NCAM2: variants seen among roughly 807,000 people sequenced by gnomAD.
The protein encoded by NCAM2 is N-CAM-2.
NCAM2 carries 30 observed loss-of-function variants against 98.1 expected under a neutral mutation model. That is an observed-to-expected ratio of 0.31 (90% CI 0.23 to 0.41). The LOEUF is 0.41. Ranked by LOEUF, NCAM2 falls within the 10% of genes least tolerant of loss-of-function variation. The pLI, the probability that NCAM2 is intolerant of heterozygous loss-of-function variation, is 1.00. For synonymous variants in NCAM2, 368 were observed against 342.4 expected, an observed-to-expected ratio of 1.07 and a Z score of -0.83; for missense variants, 867 against 1,005.8, an observed-to-expected ratio of 0.86 and a Z score of 1.87.
intron 1 of NCAM2, among the ~76,000 whole-genome samples, chr21:21,139,979 A>G (rs558304607): frequency 2.0e-5 from 3 of 152,314 alleles, no homozygotes; most frequent in Admixed American, 1.3e-4. Context: ...ACAATTGTAT[A>G]ATTTGCTCAC....
chr21:21,530,295 T>A (rs1035410303), intron 16 of NCAM2, among the ~76,000 whole-genome samples: 1 of 98,028 alleles, frequency 1.0e-5, no homozygotes, highest in South Asian at 3.3e-4. Context: ...TAATTATATA[T>A]AATTAAATTA....
At chr21:21,271,871 A>G (rs2072513075) in intron 1 of NCAM2, among the ~76,000 whole-genome samples, 1 of 152,130 alleles carries the variant, frequency 6.6e-6, no homozygotes, top group African/African-American at 2.4e-5. Flanking sequence ...AGGAAGGGGA[A>G]CATCACACAC....
chr21:21,079,299 C>A (rs375828005), intron 1 of NCAM2, among the ~76,000 whole-genome samples: 41 of 104,482 alleles, frequency 3.9e-4, no homozygotes, highest in African/African-American at 1.4e-3. Flanking sequence ...TTGCTTTTAT[C>A]TTTCTTAAGA....
intron 4 of NCAM2, among the ~76,000 whole-genome samples, chr21:21,289,185 A>G (rs1427332613): frequency 1.3e-5 from 2 of 151,978 alleles, no homozygotes; most frequent in East Asian, 1.9e-4. Flanking sequence ...CTTGTTCAAT[A>G]CAATTTTTAT....
intron 1 of NCAM2, among the ~76,000 whole-genome samples, chr21:21,177,677 C>A (rs556392327): frequency 4.4e-4 from 67 of 151,716 alleles, no homozygotes; most frequent in African/African-American, 1.5e-3. Context: ...GTGTTCCTTT[C>A]CCTTTCCATT....
At chr21:21,296,877 G>A (rs1051728012) in intron 5 of NCAM2, among the ~76,000 whole-genome samples, 1 of 151,604 alleles carries the variant, frequency 6.6e-6, no homozygotes, top group African/African-American at 2.4e-5. Context: ...GACCAATACA[G>A]TGTGCACAAA....
At chr21:21,281,587 A>G (rs1489486289) in intron 2 of NCAM2, among the ~76,000 whole-genome samples, 2 of 152,092 alleles carry the variant, frequency 1.3e-5, no homozygotes, top group South Asian at 2.1e-4. Context: ...TTAATCAAAC[A>G]TATTATAGAA....
intron 1 of NCAM2, among the ~76,000 whole-genome samples, chr21:21,170,071 A>G (rs573558245): frequency 3.3e-5 from 5 of 152,248 alleles, no homozygotes; most frequent in Non-Finnish European, 5.9e-5. Flanking sequence ...CACCCTTATT[A>G]TAGTGGCCAA....
intron 10 of NCAM2, among the ~76,000 whole-genome samples, chr21:21,413,681 AAAT>A: frequency 6.6e-6 from 1 of 152,354 alleles, no homozygotes; most frequent in Non-Finnish European, 1.5e-5. Flanking sequence ...CATAACTGAA[AAAT>A]AATTACTAAA....
At chr21:21,127,899 T>C (rs2146599585) in intron 1 of NCAM2, among the ~76,000 whole-genome samples, 1 of 152,304 alleles carries the variant, frequency 6.6e-6, no homozygotes, top group South Asian at 2.1e-4. Flanking sequence ...TACGTTTAGC[T>C]TCCTTAAATA....
intron 8 of NCAM2, among the ~76,000 whole-genome samples, chr21:21,347,503 G>A (rs770246561): frequency 1.3e-5 from 2 of 151,796 alleles, no homozygotes; most frequent in Non-Finnish European, 2.9e-5. Flanking sequence ...TGAGGTGAAA[G>A]CCATAATAAA....
chr21:21,409,647 T>A (rs2076816435), intron 9 of NCAM2, among the ~76,000 whole-genome samples: 1 of 152,202 alleles, frequency 6.6e-6, no homozygotes, highest in African/African-American at 2.4e-5. Flanking sequence ...AGATAGTCAT[T>A]AACATAGTCA....
At chr21:21,385,386 A>G (rs972906340) in intron 9 of NCAM2, among the ~76,000 whole-genome samples, 6 of 143,886 alleles carry the variant, frequency 4.2e-5, no homozygotes, top group Admixed American at 4.1e-4. Flanking sequence ...ACACACACAC[A>G]CACACACACA....
intron 1 of NCAM2, among the ~76,000 whole-genome samples, chr21:21,218,490 A>T (rs1252566186): frequency 6.6e-6 from 1 of 152,180 alleles, no homozygotes; most frequent in African/African-American, 2.4e-5. Flanking sequence ...AATAATTAAG[A>T]TTGCCAATGA....
Position 21,317,408 on chromosome 21 carries a change from A to G in NCAM2, c.620-6975A>G, listed in dbSNP as rs1056598878. On this transcript the variant is annotated intron_variant, in intron 5 of 17. Transcript: ENST00000400546. ...TTTCCAACAGATTATTTTCTGCAGA[A>G]TTTTGCAAAAATGAGTACTACCAAC... Among the ~76,000 whole-genome samples, 13 of 152,140 alleles carry G rather than the reference A, an allele frequency of 8.5e-5. No individual in the cohort carries two copies. The East Asian group carries it at 2.5e-3, about 29-fold the overall frequency.
At chr21:21,516,846 C>T (rs1020178678) in intron 16 of NCAM2, among the ~76,000 whole-genome samples, 7 of 152,086 alleles carry the variant, frequency 4.6e-5, no homozygotes, top group Non-Finnish European at 1.0e-4. Context: ...GTTCCCTCAC[C>T]GACATTCTAC....
intron 1 of NCAM2, among the ~76,000 whole-genome samples, chr21:21,176,691 T>A (rs917993060): frequency 1.3e-5 from 2 of 151,986 alleles, no homozygotes; most frequent in Admixed American, 6.6e-5. Context: ...TTGAATTTTG[T>A]TTTCCATCAG....
At chr21:21,513,895 A>G (rs916452450) in intron 16 of NCAM2, among the ~76,000 whole-genome samples, 3 of 152,046 alleles carry the variant, frequency 2.0e-5, no homozygotes, top group Non-Finnish European at 4.4e-5. Flanking sequence ...ATACATATTT[A>G]TAATTGTTAT....
At chr21:21,318,534 T>A (rs1249417159) in intron 5 of NCAM2, among the ~76,000 whole-genome samples, 1 of 152,154 alleles carries the variant, frequency 6.6e-6, no homozygotes, top group African/African-American at 2.4e-5. Flanking sequence ...ACATTTTTAT[T>A]TTTATGTTTT....
Sources: gnomAD v4.1 joint callset for allele counts (sites outside exome capture counted in the v4.1 genomes callset) on GRCh38, gnomAD v4.1.1 for gene constraint, MANE v1.5 for transcripts, NCBI Gene and HGNC (gene_info 2026-07-23, HGNC 2026-07-21) for gene names.